OR5H2: variants seen among roughly 807,000 people sequenced by gnomAD.
The protein encoded by OR5H2 is olfactory receptor family 5 subfamily H member 2.
For synonymous variants in OR5H2, 132 were observed against 126.8 expected (o/e 1.04, Z -0.27); for missense variants, 391 against 364.4 (o/e 1.07, Z -0.59).
At position 98,283,991 on chromosome 3, in the gene OR5H2, A is replaced by G. The variant is rs1456662759; in HGVS notation, c.*159A>G. ...ACTCCTTAAAATATTTATATATGTT[A>G]TTCAAAAGCATCCAAGGAATTTTAA... On this transcript the variant is annotated 3_prime_UTR_variant, in exon 1 of 1. Coordinates refer to ENST00000355273, the MANE Select transcript of OR5H2 (RefSeq NM_001005482.2). Among the ~76,000 whole-genome samples, 3 of 152,180 alleles carry G rather than the reference A, an allele frequency of 2.0e-5. No homozygotes were observed. Among genetic ancestry groups the G allele is most frequent in the Admixed American group, 1.3e-4 (2 of 15,266 alleles).
In OR5H2 at chr3:98,283,270, A is replaced by C; in HGVS notation, c.368A>C (p.Tyr123Ser). The change falls in exon 1 of 1, where the codon TAT (tyrosine) becomes TCT (serine). Residue 123 changes from tyrosine to serine, a missense_variant. Tyr to Ser is a moderately radical substitution (Grantham distance 144, BLOSUM62 -2). Coordinates refer to ENST00000355273, the MANE Select transcript of OR5H2 (RefSeq NM_001005482.2). Reference sequence around the variant, plus strand: ...TTGGCAACAATGGCATATGATCGCTATGTAGCCATATGCAAACCTTTACTA... The same window carrying C: ...TTGGCAACAATGGCATATGATCGCTCTGTAGCCATATGCAAACCTTTACTA... ...FLLATMAYDR[Y>S]VAICKPLLYP... The C allele has an allele frequency of 6.2e-7, 1 of 1,613,854 alleles. No homozygotes were observed. The highest frequency in any genetic ancestry group is 8.5e-7 in the Non-Finnish European group (1 of 1,179,878).
At position 98,282,827 on chromosome 3, in the gene OR5H2, A is replaced by G. The variant is rs763952673; in HGVS notation, c.-76A>G. The G allele has an allele frequency of 6.7e-5, 86 of 1,279,436 alleles. No homozygotes were observed. The highest frequency in any genetic ancestry group is 9.4e-5 in the Non-Finnish European group (85 of 899,932). 79.3% of individuals were successfully genotyped at this position (1,279,436 alleles called of 1,614,324 possible). A position where few individuals can be genotyped will look rare whatever the true frequency, so the allele number is the denominator to read the frequency against. On this transcript the variant is annotated 5_prime_UTR_variant, in exon 1 of 1. Transcript: ENST00000355273. ...GTTTTTCTATCAACTTCCCTCCCCC[A>G]GTATTTGCTGTATAAGTCTTAGTGA...
rs1380688550 is a variant in OR5H2 at position 98,283,257 on chromosome 3, G to A, written c.355G>A (p.Ala119Thr). ...AGAATGTTTTCTCTTGGCAACAATG[G>A]CATATGATCGCTATGTAGCCATATG... The part of the protein sequence containing the change: ...TTECFLLATM[A>T]YDRYVAICKP... Residue 119 changes from alanine (A) to threonine (T), a missense_variant, in exon 1 of 1, where the codon GCA becomes ACA. By Grantham distance (58) the Ala-to-Thr change is moderately conservative. Transcript: ENST00000355273. The A allele has an allele frequency of 6.2e-7, 1 of 1,613,846 alleles. No individual in the cohort carries two copies. Among genetic ancestry groups the A allele is most frequent in the Non-Finnish European group, 8.5e-7 (1 of 1,179,910 alleles).
chr3:98,283,046 T>G lies in OR5H2; in HGVS notation c.144T>G (p.Leu48=). Residue 48 remains leucine (L), a synonymous_variant, in exon 1 of 1, where the codon CTT becomes CTG. Transcript: ENST00000355273. ...TGTGGAACCTTGGTCTGATTGCTCT[T>G]ATCTGGAATGACCCACAACTTCACA... is the stretch of plus-strand genomic sequence containing the variant. ...TIVWNLGLIA[L]IWNDPQLHIP... is the part of the protein sequence containing the mutation. 6.2e-7 allele frequency: 1 copy of G among 1,614,072 alleles called. No homozygotes were observed. Among genetic ancestry groups the G allele is most frequent in the Non-Finnish European group, 8.5e-7 (1 of 1,179,942 alleles).
Position 98,282,850 on chromosome 3 carries a change from T to A in OR5H2, c.-53T>A, listed in dbSNP as rs369289886. ...CCAGTATTTGCTGTATAAGTCTTAG[T>A]GAATGCTCTTTTACATTTACTGCAT... On this transcript the variant is annotated 5_prime_UTR_variant, in exon 1 of 1. Coordinates refer to ENST00000355273, the MANE Select transcript of OR5H2 (RefSeq NM_001005482.2). 42 of 1,527,072 alleles carry A rather than the reference T, an allele frequency of 2.8e-5. No homozygotes were observed. The highest frequency in any genetic ancestry group is 3.6e-5 in the Non-Finnish European group (40 of 1,104,696). 94.6% of individuals were successfully genotyped at this position (1,527,072 alleles called of 1,614,324 possible). A position where few individuals can be genotyped will look rare whatever the true frequency, so the allele number is the denominator to read the frequency against.
chr3:98,283,300 C>G lies in OR5H2; in HGVS notation c.398C>G (p.Pro133Arg), dbSNP rs764991610. ...GCCATATGCAAACCTTTACTATATC[C>G]AGTGATTATGAACAATTCACTATGC... Reference protein sequence around the residue: ...YVAICKPLLYPVIMNNSLCIR... With the variant: ...YVAICKPLLYRVIMNNSLCIR... The change falls in exon 1 of 1, where the codon CCA (proline) becomes CGA (arginine). Residue 133 changes from proline to arginine, a missense_variant. Physicochemically the swap from Pro to Arg is moderately radical, Grantham distance 103 (BLOSUM62 -2). Coordinates refer to ENST00000355273, the MANE Select transcript of OR5H2 (RefSeq NM_001005482.2). The G allele has an allele frequency of 1.9e-6, 3 of 1,613,686 alleles. No homozygotes were observed. The South Asian group carries it at 3.3e-5, about 18-fold the overall frequency.
Position 98,282,792 on chromosome 3 carries a change from A to G in OR5H2, c.-111A>G. 1 of 889,178 alleles carries G rather than the reference A, an allele frequency of 1.1e-6. No individual in the cohort carries two copies. The highest frequency in any genetic ancestry group is 1.5e-5 in the South Asian group (1 of 65,440). The allele number at this position is 889,178 out of a possible 1,614,324, so 55.1% of individuals were successfully genotyped here. On this transcript the variant is annotated 5_prime_UTR_variant, in exon 1 of 1. Coordinates refer to ENST00000355273, the MANE Select transcript of OR5H2 (RefSeq NM_001005482.2). ...GAAAGAAAATTAAAAGGGTATTGTA[A>G]TAAGAGTATGTTTTTCTATCAACTT...
At position 98,283,622 on chromosome 3, in the gene OR5H2, C is replaced by T. The variant is rs1175699109; in HGVS notation, c.720C>T (p.Thr240=). 13 of 1,613,460 alleles carry T rather than the reference C, an allele frequency of 8.1e-6. No individual in the cohort carries two copies. Among genetic ancestry groups the T allele is most frequent in the Non-Finnish European group, 1.1e-5 (13 of 1,179,836 alleles). The change falls in exon 1 of 1, where the codon ACC becomes ACT. Residue 240 remains threonine, a synonymous_variant. Transcript: ENST00000355273. The stretch of plus-strand genomic sequence containing the variant: ...GAGGCGTAAGGAAAGCCTTTTCCAC[C>T]TGTGGAGCCCATCTCTTATCTGTCT... ...SVRGVRKAFS[T]CGAHLLSVSL...
chr3:98,283,364 C>T lies in OR5H2; in HGVS notation c.462C>T (p.Leu154=). The T allele has an allele frequency of 6.2e-7, 1 of 1,612,122 alleles. No homozygotes were observed. Among genetic ancestry groups the T allele is most frequent in the African/African-American group, 1.3e-5 (1 of 74,860 alleles). Residue 154 remains leucine, a synonymous_variant, in exon 1 of 1, where the codon CTC becomes CTT. Transcript: ENST00000355273. ...LLAFSFLGGF[L]HALIHEVLIF... ...CCTTCTCATTTTTAGGTGGCTTCCT[C>T]CATGCCTTAATTCATGAAGTCCTTA...
rs745802276 is a variant in OR5H2, at chr3:98,283,498, T to C, written c.596T>C (p.Val199Ala). 2.5e-6 allele frequency: 4 copies of C among 1,612,806 alleles called. No homozygotes were observed. Among genetic ancestry groups the C allele is most frequent in the Non-Finnish European group, 3.4e-6 (4 of 1,179,696 alleles). Residue 199 changes from valine to alanine, a missense_variant, in exon 1 of 1, where the codon GTT (valine) becomes GCT (alanine). Val to Ala is a moderately conservative substitution (Grantham distance 64). Transcript: ENST00000355273. ...GACCCTTCTATTAATTTTCTAATGGTTTTTATTTTGTCTGGCTCAATTCAG... is the reference window on the plus strand; with the variant it reads ...GACCCTTCTATTAATTTTCTAATGGCTTTTATTTTGTCTGGCTCAATTCAG... ...CTDPSINFLM[V>A]FILSGSIQVF...
Position 98,283,761 on chromosome 3 carries a change from C to A in OR5H2, c.859C>A (p.Pro287Thr), listed in dbSNP as rs760137674. Residue 287 changes from proline (P) to threonine (T), a missense_variant, in exon 1 of 1, where the codon CCC becomes ACC. Coordinates refer to ENST00000355273, the MANE Select transcript of OR5H2 (RefSeq NM_001005482.2). ...TACAATCATAATTCCTTTGCTAAAT[C>A]CCATTATCTACAGTCTGAGAAATAA... Reference protein sequence around the residue: ...FYTIIIPLLNPIIYSLRNKQV... With the variant: ...FYTIIIPLLNTIIYSLRNKQV... 13 of 1,592,134 alleles carry A rather than the reference C, an allele frequency of 8.2e-6. No individual in the cohort carries two copies. The highest frequency in any genetic ancestry group is 1.1e-5 in the Non-Finnish European group (13 of 1,167,930).
Position 98,283,113 on chromosome 3 carries a change from G to C in OR5H2, c.211G>C (p.Ala71Pro), listed in dbSNP as rs1301238847. The change falls in exon 1 of 1, where the codon GCT becomes CCT. Residue 71 changes from alanine to proline, a missense_variant. Coordinates refer to ENST00000355273, the MANE Select transcript of OR5H2 (RefSeq NM_001005482.2). ...TCTTGGGAGTTTAGCCTTTGTTGATGCTTGGATATCTTCCACAGTAACTCC... is the reference window on the plus strand; with the variant it reads ...TCTTGGGAGTTTAGCCTTTGTTGATCCTTGGATATCTTCCACAGTAACTCC... ...FFLGSLAFVD[A>P]WISSTVTPKM... 1.2e-6 allele frequency: 2 copies of C among 1,613,880 alleles called. No individual in the cohort carries two copies. The highest frequency in any genetic ancestry group is 1.7e-6 in the Non-Finnish European group (2 of 1,179,916).
rs1706152045 is a variant in OR5H2, at chr3:98,283,101, G to A, written c.199G>A (p.Ala67Thr). ...IPMYFFLGSL[A>T]FVDAWISSTV... is the part of the protein sequence containing the mutation. ...CATGTACTTTTTTCTTGGGAGTTTA[G>A]CCTTTGTTGATGCTTGGATATCTTC... Residue 67 changes from alanine to threonine, a missense_variant, in exon 1 of 1, where the codon GCC becomes ACC. Transcript: ENST00000355273. The A allele has an allele frequency of 1.9e-6, 3 of 1,613,834 alleles. No individual in the cohort carries two copies. The highest frequency in any genetic ancestry group is 2.5e-6 in the Non-Finnish European group (3 of 1,179,910).
chr3:98,282,933 G>T lies in OR5H2; in HGVS notation c.31G>T (p.Glu11Ter), dbSNP rs72487753. MEQDNTTLLT[E>*]FVLTGLTYQP... ...ACAGGATAATACAACATTGCTGACA[G>T]AGTTTGTTCTCACAGGACTTACATA... Residue 11 changes from glutamate to a stop codon, truncating the protein, a stop_gained, in exon 1 of 1, where the codon GAG (glutamate) becomes TAG (stop). Transcript: ENST00000355273. LOFTEE classifies it low-confidence loss of function (END_TRUNC). 2 of 1,613,748 alleles carry T rather than the reference G, an allele frequency of 1.2e-6. No individual in the cohort carries two copies. The highest frequency in any genetic ancestry group is 1.7e-6 in the Non-Finnish European group (2 of 1,179,830).
Position 98,283,764 on chromosome 3 carries a change from A to G in OR5H2, c.862A>G (p.Ile288Val), listed in dbSNP as rs1174316680. 2 of 1,589,750 alleles carry G rather than the reference A, an allele frequency of 1.3e-6. No homozygotes were observed. The highest frequency in any genetic ancestry group is 8.6e-7 in the Non-Finnish European group (1 of 1,166,742). ...YTIIIPLLNP[I>V]IYSLRNKQVI... ...AATCATAATTCCTTTGCTAAATCCC[A>G]TTATCTACAGTCTGAGAAATAAACA... The change falls in exon 1 of 1, where the codon ATT (isoleucine) becomes GTT (valine). Residue 288 changes from isoleucine to valine, a missense_variant. Ile to Val is a conservative substitution (Grantham distance 29, BLOSUM62 3). Transcript: ENST00000355273.
At position 98,283,454 on chromosome 3, in the gene OR5H2, G is replaced by C; in HGVS notation, c.552G>C (p.Leu184=). Residue 184 remains leucine (L), a synonymous_variant, in exon 1 of 1, where the codon CTG becomes CTC. Transcript: ENST00000355273. ...ATTTTTACTGTGATATTATACCACTGTTTATGATTTCCTGTACTGACCCTT... is the reference window on the plus strand; with the variant it reads ...ATTTTTACTGTGATATTATACCACTCTTTATGATTTCCTGTACTGACCCTT... ...IHHFYCDIIP[L]FMISCTDPSI... 4 of 1,610,054 alleles carry C rather than the reference G, an allele frequency of 2.5e-6. No homozygotes were observed. The highest frequency in any genetic ancestry group is 1.7e-5 in the Admixed American group (1 of 58,682).
rs1706142494 is a variant in OR5H2, at chr3:98,282,601, C to T, written c.-302C>T. 2.0e-5 allele frequency among the ~76,000 whole-genome samples: 3 copies of T among 152,152 alleles called. No homozygotes were observed. The South Asian group carries it at 6.2e-4, about 31-fold the overall frequency. ...TAAGAAATAAGTCTTCTCTCCTTTT[C>T]TAAATTTACAAATAGTGATTTTCTT... On this transcript the variant is annotated 5_prime_UTR_variant, in exon 1 of 1. Coordinates refer to ENST00000355273, the MANE Select transcript of OR5H2 (RefSeq NM_001005482.2).
chr3:98,283,830 T>C lies in OR5H2; in HGVS notation c.928T>C (p.Ter310GlnextTer3). 2 of 1,470,686 alleles carry C rather than the reference T, an allele frequency of 1.4e-6. No individual in the cohort carries two copies. Among genetic ancestry groups the C allele is most frequent in the Non-Finnish European group, 1.8e-6 (2 of 1,084,640 alleles). 91.1% of individuals were successfully genotyped at this position (1,470,686 alleles called of 1,614,324 possible). A position where few individuals can be genotyped will look rare whatever the true frequency, so the allele number is the denominator to read the frequency against. The change falls in exon 1 of 1, where the codon TAG (stop) becomes CAG (glutamine). Residue 310 changes from the stop codon to glutamine (Q), a stop_lost. Transcript: ENST00000355273. ...CACAAAAATGGTAAAAAGAAATGTTTAGATTTCATAGTGATATCTCTCATT... is the reference window on the plus strand; with the variant it reads ...CACAAAAATGGTAAAAAGAAATGTTCAGATTTCATAGTGATATCTCTCATT... ...SFTKMVKRNV[*>Q]
rs889999878 is a variant in OR5H2 at position 98,283,675 on chromosome 3, T to C, written c.773T>C (p.Met258Thr). ...TTATATTATGGCCCACTTATCTTCA[T>C]GTATTTGCGCCCTGCATCTCCACAA... is the stretch of plus-strand genomic sequence containing the variant. The part of the protein sequence containing the change: ...VSLYYGPLIF[M>T]YLRPASPQAD... The change falls in exon 1 of 1, where the codon ATG (methionine) becomes ACG (threonine). Residue 258 changes from methionine (M) to threonine (T), a missense_variant. Met to Thr is a moderately conservative substitution (Grantham distance 81). Coordinates refer to ENST00000355273, the MANE Select transcript of OR5H2 (RefSeq NM_001005482.2). The C allele has an allele frequency of 4.3e-6, 7 of 1,613,448 alleles. No individual in the cohort carries two copies. Among genetic ancestry groups the C allele is most frequent in the African/African-American group, 1.3e-5 (1 of 74,998 alleles).
Sources: gnomAD v4.1 joint callset for allele counts (sites outside exome capture counted in the v4.1 genomes callset) on GRCh38, gnomAD v4.1.1 for gene constraint, MANE v1.5 for transcripts, NCBI Gene and HGNC (gene_info 2026-07-23, HGNC 2026-07-21) for gene names.